The following CCSER1 variants were observed in gnomAD, a reference collection of about 807,000 sequenced individuals.
CCSER1 encodes the protein serine-rich coiled-coil domain-containing protein 1.
In CCSER1, 41 loss-of-function variants were observed where a neutral mutation model predicts 82.0. The observed-to-expected ratio is 0.50, with a 90% CI of 0.39 to 0.65. The LOEUF (loss-of-function observed/expected upper bound fraction) is 0.65, where lower values mean the gene tolerates loss of function less well. Ranked by LOEUF, CCSER1 falls within the 30% of genes least tolerant of loss-of-function variation. The probability of loss-of-function intolerance (pLI) is 0.00; values close to 1 mark genes in which losing one functional copy is unlikely to be tolerated. For missense variants in CCSER1, 1,119 were observed against 1,064.2 expected, an observed-to-expected ratio of 1.05 and a Z score of -0.72; for synonymous variants, 414 against 383.9, an observed-to-expected ratio of 1.08 and a Z score of -0.92.
intron 10 of CCSER1, among the ~76,000 whole-genome samples, chr4:91,386,794 T>C (rs116690996): frequency 0.013 from 1,949 of 152,158 alleles, 42 homozygotes; most frequent in African/African-American, 0.045. Context: ...TATACATGTA[T>C]ATATAGCCTG....
chr4:90,921,178 G>A (rs1297543530), intron 8 of CCSER1, among the ~76,000 whole-genome samples: 2 of 151,708 alleles, frequency 1.3e-5, no homozygotes, highest in African/African-American at 2.4e-5. Flanking sequence ...AAATACAAGA[G>A]CTCCATCAAG....
At chr4:91,112,704 T>C (rs72888529) in intron 10 of CCSER1, 359 of 152,338 alleles carry the variant, frequency 2.4e-3, no homozygotes, top group African/African-American at 8.0e-3. Context: ...AATGAGTTTG[T>C]GTCTTCATCA....
chr4:91,388,202 T>C (rs905785234), intron 10 of CCSER1, among the ~76,000 whole-genome samples: 6 of 152,030 alleles, frequency 3.9e-5, no homozygotes, highest in African/African-American at 7.2e-5. Context: ...ATTTTGAACA[T>C]TGGTATTTAT....
At chr4:91,304,011 G>C (rs1189536180) in intron 10 of CCSER1, among the ~76,000 whole-genome samples, 1 of 151,896 alleles carries the variant, frequency 6.6e-6, no homozygotes, top group Admixed American at 6.6e-5. Flanking sequence ...TTAAGGGAAA[G>C]AAAAAATGTT....
chr4:90,851,388 G>A (rs887433201), intron 8 of CCSER1, among the ~76,000 whole-genome samples: 6 of 139,968 alleles, frequency 4.3e-5, no homozygotes, highest in African/African-American at 1.6e-4. Flanking sequence ...TCTTACTAGG[G>A]ATGATAACCT....
At chr4:90,180,997 T>C (rs997036315) in intron 1 of CCSER1, among the ~76,000 whole-genome samples, 1 of 152,172 alleles carries the variant, frequency 6.6e-6, no homozygotes, top group East Asian at 1.9e-4. Context: ...ATATATATAA[T>C]GAGCATAACA....
At chr4:91,129,285 A>G (rs1727795899) in intron 10 of CCSER1, among the ~76,000 whole-genome samples, 1 of 152,022 alleles carries the variant, frequency 6.6e-6, no homozygotes, top group East Asian at 1.9e-4. Context: ...TGTTTCAATG[A>G]CCGAAATCCT....
At chr4:91,120,252 C>T (rs1726967737) in intron 10 of CCSER1, among the ~76,000 whole-genome samples, 1 of 151,958 alleles carries the variant, frequency 6.6e-6, no homozygotes, top group African/African-American at 2.4e-5. Context: ...TGATACTTAA[C>T]TAGAATAAAG....
At chr4:91,529,839 C>T (rs1441863898) in intron 10 of CCSER1, among the ~76,000 whole-genome samples, 1 of 152,026 alleles carries the variant, frequency 6.6e-6, no homozygotes, top group Admixed American at 6.6e-5. Flanking sequence ...TTAGCATTGA[C>T]AGAACAAGTT....
At chr4:91,262,683 G>C (rs546716804) in intron 10 of CCSER1, among the ~76,000 whole-genome samples, 1 of 151,896 alleles carries the variant, frequency 6.6e-6, no homozygotes, top group South Asian at 2.1e-4. Flanking sequence ...AGATCATAAA[G>C]CTCTTTAATT....
chr4:91,119,700 C>A (rs1726923133), intron 10 of CCSER1, among the ~76,000 whole-genome samples: 1 of 151,822 alleles, frequency 6.6e-6, no homozygotes, highest in Non-Finnish European at 1.5e-5. Flanking sequence ...AGGGAATTAA[C>A]AGGACTGTCT....
intron 10 of CCSER1, among the ~76,000 whole-genome samples, chr4:91,541,105 G>T (rs943521697): frequency 3.9e-5 from 6 of 152,114 alleles, no homozygotes; most frequent in Non-Finnish European, 5.9e-5. Flanking sequence ...TATTGAGATT[G>T]CATTAAATCT....
chr4:90,648,816 A>G (rs1728197129), intron 6 of CCSER1, among the ~76,000 whole-genome samples: 1 of 152,202 alleles, frequency 6.6e-6, no homozygotes, highest in Non-Finnish European at 1.5e-5. Flanking sequence ...GAAAAGTAAT[A>G]TACCAGTCAA....
chr4:90,377,859 A>C (rs1265064564), intron 3 of CCSER1, among the ~76,000 whole-genome samples: 3 of 152,134 alleles, frequency 2.0e-5, no homozygotes, highest in East Asian at 1.9e-4. Flanking sequence ...ATTTTCATAG[A>C]AAATAATTGT....
At chr4:91,030,234 C>G (rs1231310539) in intron 9 of CCSER1, among the ~76,000 whole-genome samples, 1 of 151,552 alleles carries the variant, frequency 6.6e-6, no homozygotes, top group Admixed American at 6.6e-5. Flanking sequence ...ATAGGGAAAA[C>G]CAAAGATGAA....
intron 8 of CCSER1, among the ~76,000 whole-genome samples, chr4:90,848,277 T>C (rs1460487066): frequency 6.6e-6 from 1 of 152,178 alleles, no homozygotes; most frequent in African/African-American, 2.4e-5. Context: ...AAACCATCAA[T>C]TCCATGTAAA....
intron 10 of CCSER1, among the ~76,000 whole-genome samples, chr4:91,170,007 C>T (rs533053969): frequency 2.6e-5 from 4 of 152,290 alleles, no homozygotes; most frequent in East Asian, 1.9e-4. Flanking sequence ...AAAGAAAGCA[C>T]ATTTCACTGA....
At chr4:90,572,146 G>A (rs1359831199) in intron 5 of CCSER1, among the ~76,000 whole-genome samples, 1 of 152,084 alleles carries the variant, frequency 6.6e-6, no homozygotes, top group South Asian at 2.1e-4. Context: ...GGTATTCAGG[G>A]TATTTTTCCT....
chr4:90,403,095 G>A (rs908438130), intron 4 of CCSER1, among the ~76,000 whole-genome samples: 6 of 152,162 alleles, frequency 3.9e-5, no homozygotes, highest in Admixed American at 2.0e-4. Context: ...GCCATGTTGT[G>A]TGGTTTTTAA....
Sources: allele counts gnomAD v4.1 joint callset (sites outside exome capture counted in the v4.1 genomes callset), GRCh38; gene constraint gnomAD v4.1.1; transcripts MANE v1.5; gene names NCBI Gene and HGNC (gene_info 2026-07-23, HGNC 2026-07-21).